The following ENTREP2 variants were observed in gnomAD, a reference collection of about 807,000 sequenced individuals.
The protein encoded by ENTREP2 is endosomal transmembrane epsin interactor 2, also known as protein ENTREP2.
At chr15:29,664,379 T>C in the ENTREP2 span, among the ~76,000 whole-genome samples, 3 of 152,180 alleles carry the variant, frequency 2.0e-5, no homozygotes, top group African/African-American at 7.2e-5. Flanking sequence ...CTGGGCAGTA[T>C]TTGAGGCTGG....
At chr15:29,241,524 G>T in the ENTREP2 span, among the ~76,000 whole-genome samples, 1 of 152,058 alleles carries the variant, frequency 6.6e-6, no homozygotes. Context: ...TCCAGTTTGT[G>T]TACTTCTTGC....
the ENTREP2 span, among the ~76,000 whole-genome samples, chr15:29,668,606 A>G: frequency 2.0e-5 from 3 of 152,198 alleles, no homozygotes; most frequent in African/African-American, 7.2e-5. Context: ...GATTGATACT[A>G]CAACATGGAT....
chr15:29,615,173 T>C, the ENTREP2 span, among the ~76,000 whole-genome samples: 1 of 150,302 alleles, frequency 6.7e-6, no homozygotes, highest in Non-Finnish European at 1.5e-5. Flanking sequence ...TTTTTTTTTT[T>C]GAGACGGAGT....
chr15:29,242,500 T>C, the ENTREP2 span, among the ~76,000 whole-genome samples: 26 of 152,354 alleles, frequency 1.7e-4, no homozygotes, highest in East Asian at 4.6e-3. Flanking sequence ...TTAAGGGGCA[T>C]TTGAAAATCA....
At chr15:29,130,473 C>T in the ENTREP2 span, among the ~76,000 whole-genome samples, 8 of 152,178 alleles carry the variant, frequency 5.3e-5, no homozygotes, top group Admixed American at 1.3e-4. Context: ...AACCCTCTCT[C>T]GGACTTGCTT....
At chr15:29,330,211 G>A in the ENTREP2 span, among the ~76,000 whole-genome samples, 186 of 152,108 alleles carry the variant, frequency 1.2e-3, 1 homozygote, top group African/African-American at 4.3e-3. Flanking sequence ...GGCCAAGGCA[G>A]GTGGATCATG....
At chr15:29,439,669 C>A in the ENTREP2 span, among the ~76,000 whole-genome samples, 1 of 152,132 alleles carries the variant, frequency 6.6e-6, no homozygotes, top group African/African-American at 2.4e-5. Context: ...ATTTGCAAGG[C>A]CTGGAAGTAT....
chr15:29,360,198 T>G, the ENTREP2 span, among the ~76,000 whole-genome samples: 5 of 152,368 alleles, frequency 3.3e-5, no homozygotes, highest in Admixed American at 2.6e-4. Context: ...TTATAATAAT[T>G]TTTTCTAACG....
the ENTREP2 span, among the ~76,000 whole-genome samples, chr15:29,439,389 A>C: frequency 6.6e-6 from 1 of 151,986 alleles, no homozygotes; most frequent in Admixed American, 6.6e-5. Flanking sequence ...AGGTCAAATA[A>C]CTTGAGCAAC....
chr15:29,159,024 A>G, the ENTREP2 span, among the ~76,000 whole-genome samples: 4 of 152,342 alleles, frequency 2.6e-5, no homozygotes, highest in African/African-American at 9.6e-5. Flanking sequence ...AACATTAAAC[A>G]GTTCAGGACA....
chr15:29,461,975 T>C, the ENTREP2 span, among the ~76,000 whole-genome samples: 1 of 152,132 alleles, frequency 6.6e-6, no homozygotes, highest in African/African-American at 2.4e-5. Context: ...CTACTCTATG[T>C]CCCTCATATA....
At chr15:29,522,579 C>A in the ENTREP2 span, among the ~76,000 whole-genome samples, 1 of 152,122 alleles carries the variant, frequency 6.6e-6, no homozygotes, top group Non-Finnish European at 1.5e-5. Flanking sequence ...AACAGGTGAG[C>A]TTTGTGGCAC....
chr15:29,565,011 C>A, the ENTREP2 span, among the ~76,000 whole-genome samples: 3 of 152,184 alleles, frequency 2.0e-5, no homozygotes, highest in African/African-American at 4.8e-5. Context: ...AAGAGACATA[C>A]TCTGTTTCTG....
chr15:29,135,949 C>T, the ENTREP2 span, among the ~76,000 whole-genome samples: 150 of 152,270 alleles, frequency 9.9e-4, 2 homozygotes, highest in East Asian at 0.024. This position sits in a 1 kb window ranked among gnomAD's most constrained non-coding sequence, Gnocchi z 7.4. Context: ...GGGGCTCTCC[C>T]CTTGGGTCAG....
the ENTREP2 span, among the ~76,000 whole-genome samples, chr15:29,662,306 C>T: frequency 6.6e-6 from 1 of 150,510 alleles, no homozygotes; most frequent in Admixed American, 6.6e-5. Context: ...CCATGGGTTA[C>T]TACAGGAAAA....
chr15:29,318,314 CTT>C, the ENTREP2 span, among the ~76,000 whole-genome samples: 2 of 150,366 alleles, frequency 1.3e-5, no homozygotes, highest in African/African-American at 2.4e-5. Flanking sequence ...GGTATGTACA[CTT>C]TTTTTTTTGT....
the ENTREP2 span, among the ~76,000 whole-genome samples, chr15:29,193,081 C>T: frequency 2.0e-5 from 3 of 152,190 alleles, no homozygotes; most frequent in Non-Finnish European, 4.4e-5. Flanking sequence ...ATCTATTCAA[C>T]ACTCTACGGG....
the ENTREP2 span, among the ~76,000 whole-genome samples, chr15:29,255,919 T>G: frequency 2.7e-5 from 4 of 148,952 alleles, no homozygotes. Context: ...GAGAATAGCA[T>G]GAACCCGGGA....
chr15:29,672,921 A>G, the ENTREP2 span, among the ~76,000 whole-genome samples: 1 of 152,150 alleles, frequency 6.6e-6, no homozygotes, highest in African/African-American at 2.4e-5. Context: ...CTCCATAGGC[A>G]GGGCAGTGGC....
Sources: allele counts gnomAD v4.1 joint callset (sites outside exome capture counted in the v4.1 genomes callset), GRCh38; gene constraint gnomAD v4.1.1; non-coding constraint Gnocchi (gnomAD v3.1); transcripts MANE v1.5; gene names NCBI Gene and HGNC (gene_info 2026-07-23, HGNC 2026-07-21).